The following CCSER1 variants were observed in gnomAD, a reference collection of about 807,000 sequenced individuals.
The protein encoded by CCSER1 is coiled-coil serine rich protein 1.
In CCSER1, 41 loss-of-function variants were observed where a neutral mutation model predicts 82.0. The observed-to-expected ratio is 0.50, with a 90% confidence interval of 0.39 to 0.65. The LOEUF is 0.65. Ranked by LOEUF, CCSER1 falls within the 30% of genes least tolerant of loss-of-function variation. The probability of loss-of-function intolerance (pLI) is 0.00; values close to 1 mark genes in which losing one functional copy is unlikely to be tolerated. For missense variants in CCSER1, 1,119 were observed against 1,064.2 expected, an observed-to-expected ratio of 1.05 and a Z score of -0.72; for synonymous variants, 414 against 383.9, an observed-to-expected ratio of 1.08 and a Z score of -0.92.
chr4:90,690,565 T>G (rs1200295688), intron 6 of CCSER1, among the ~76,000 whole-genome samples: 1 of 152,102 alleles, frequency 6.6e-6, no homozygotes, highest in African/African-American at 2.4e-5. Flanking sequence ...TTCTACAGTT[T>G]TATAAGTTCC....
chr4:90,646,554 G>C (rs1464641024), intron 6 of CCSER1, among the ~76,000 whole-genome samples: 2 of 152,092 alleles, frequency 1.3e-5, no homozygotes, highest in Non-Finnish European at 2.9e-5. Flanking sequence ...AAAAATACCA[G>C]GATGCATAAA....
chr4:91,457,052 T>G (rs564615301), intron 10 of CCSER1, among the ~76,000 whole-genome samples: 2 of 152,118 alleles, frequency 1.3e-5, no homozygotes, highest in Non-Finnish European at 2.9e-5. Context: ...GAAAGGAACA[T>G]ACAATCCATG....
intron 5 of CCSER1, among the ~76,000 whole-genome samples, chr4:90,603,787 G>GT (rs1443933005): frequency 6.6e-6 from 1 of 152,126 alleles, no homozygotes. Flanking sequence ...TTTCCAGGGA[G>GT]TAACTGTAGG....
At chr4:90,662,469 T>A (rs1027269244) in intron 6 of CCSER1, among the ~76,000 whole-genome samples, 4 of 152,118 alleles carry the variant, frequency 2.6e-5, no homozygotes, top group African/African-American at 7.2e-5. Flanking sequence ...CTAATTGATC[T>A]CTAAAATTTT....
At chr4:90,222,178 A>C (rs1210743295) in intron 1 of CCSER1, among the ~76,000 whole-genome samples, 1 of 152,002 alleles carries the variant, frequency 6.6e-6, no homozygotes, top group Non-Finnish European at 1.5e-5. Flanking sequence ...TTTGGAGAGG[A>C]GCGTATTTAG....
At chr4:91,571,134 C>G (rs1420262699) in intron 10 of CCSER1, among the ~76,000 whole-genome samples, 2 of 152,078 alleles carry the variant, frequency 1.3e-5, no homozygotes, top group African/African-American at 4.8e-5. Context: ...GTCCATATCA[C>G]CATCAGCATT....
chr4:91,429,475 AT>A (rs1754170829), intron 10 of CCSER1, among the ~76,000 whole-genome samples: 1 of 151,972 alleles, frequency 6.6e-6, no homozygotes, highest in South Asian at 2.1e-4. Context: ...TACGTGCCCA[AT>A]TCTGTTACCA....
chr4:90,483,850 C>A (rs1445110322), intron 5 of CCSER1, among the ~76,000 whole-genome samples: 1 of 152,072 alleles, frequency 6.6e-6, no homozygotes, highest in East Asian at 1.9e-4. Context: ...AATTATGTAT[C>A]TTGGAGTTGC....
intron 1 of CCSER1, among the ~76,000 whole-genome samples, chr4:90,251,963 A>G (rs968455652): frequency 2.0e-5 from 3 of 151,642 alleles, no homozygotes; most frequent in Admixed American, 2.0e-4. Context: ...TTGTGCTGTA[A>G]TCTTTATTAT....
chr4:90,539,578 T>C (rs1775850509), intron 5 of CCSER1, among the ~76,000 whole-genome samples: 2 of 152,088 alleles, frequency 1.3e-5, no homozygotes, highest in Admixed American at 6.6e-5. Context: ...TCTAATTGGG[T>C]AGGGATCTTA....
intron 10 of CCSER1, among the ~76,000 whole-genome samples, chr4:91,323,036 G>A (rs1746300668): frequency 6.6e-6 from 1 of 152,130 alleles, no homozygotes; most frequent in African/African-American, 2.4e-5. Context: ...AAATTTAGTT[G>A]GAGAAGTGGG....
rs558334527 is a variant in CCSER1, at chr4:91,013,572, C to T, written c.2173-72378C>T. On this transcript the variant is annotated intron_variant, in intron 9 of 10. Coordinates refer to ENST00000509176, the MANE Select transcript of CCSER1 (RefSeq NM_001145065.2). ...TATTTTTTTGCTAGTCTGTCTGTTT[C>T]CATTGTGGTTCCTGATGAGTTTTAA... Among the ~76,000 whole-genome samples, 125 of 128,498 alleles carry T rather than the reference C, an allele frequency of 9.7e-4. 8 individuals are homozygous for T. The highest frequency in any genetic ancestry group is 3.1e-3 in the African/African-American group (123 of 39,390). 84.3% of individuals were successfully genotyped at this position (128,498 alleles called of 152,430 possible). A position where few individuals can be genotyped will look rare whatever the true frequency, so the allele number is the denominator to read the frequency against.
intron 7 of CCSER1, among the ~76,000 whole-genome samples, chr4:90,733,975 T>A (rs1745214679): frequency 6.6e-6 from 1 of 152,102 alleles, no homozygotes; most frequent in Non-Finnish European, 1.5e-5. Context: ...CCAATTTTGT[T>A]CTTTTTGCTC....
intron 6 of CCSER1, among the ~76,000 whole-genome samples, chr4:90,637,717 GT>G (rs1725683300): frequency 6.6e-6 from 1 of 152,140 alleles, no homozygotes. Context: ...CATGTTAGTA[GT>G]TTTTTGGTTA....
At chr4:90,716,047 G>T (rs1297120458) in intron 6 of CCSER1, among the ~76,000 whole-genome samples, 1 of 150,732 alleles carries the variant, frequency 6.6e-6, no homozygotes, top group Non-Finnish European at 1.5e-5. Flanking sequence ...AAAACAGCAA[G>T]TTTAATAATA....
At chr4:90,243,062 C>CTTT (rs745465024) in intron 1 of CCSER1, among the ~76,000 whole-genome samples, 4 of 126,990 alleles carry the variant, frequency 3.1e-5, no homozygotes, top group African/African-American at 9.4e-5. Context: ...CTCTCTCTCT[C>CTTT]TTTTTTTTTT....
At position 90,472,853 on chromosome 4, in the gene CCSER1, G is replaced by A. The variant is rs117551855; in HGVS notation, c.1724+4499G>A. On this transcript the variant is annotated intron_variant, in intron 5 of 10. Coordinates refer to ENST00000509176, the MANE Select transcript of CCSER1 (RefSeq NM_001145065.2). ...CAACAGATGGTTGGATAAAGAAAAT[G>A]TGGTATATATACACCATAAAAAAGA... Among the ~76,000 whole-genome samples, 9 of 152,198 alleles carry A rather than the reference G, an allele frequency of 5.9e-5. No homozygotes were observed. In the East Asian group the frequency reaches 1.5e-3, roughly 26 times the overall value.
intron 9 of CCSER1, among the ~76,000 whole-genome samples, chr4:90,928,499 G>T (rs987373082): frequency 6.6e-6 from 1 of 151,968 alleles, no homozygotes; most frequent in Admixed American, 6.6e-5. Context: ...GCTTGCAACT[G>T]GTGAGGGCAT....
chr4:91,412,955 A>AC (rs60569481), intron 10 of CCSER1, among the ~76,000 whole-genome samples: 129,176 of 151,650 alleles, frequency 0.85, 55,381 homozygotes, highest in African/African-American at 0.96. Context: ...AAGGAAACAA[A>AC]AAAAAAACAG....
Sources: allele counts gnomAD v4.1 joint callset (sites outside exome capture counted in the v4.1 genomes callset), GRCh38; gene constraint gnomAD v4.1.1; transcripts MANE v1.5; gene names NCBI Gene and HGNC (gene_info 2026-07-23, HGNC 2026-07-21).